Variants in PIP5K1B observed in about 807,000 individuals in gnomAD.
PIP5K1B encodes the protein phosphatidylinositol-4-phosphate 5-kinase type 1 beta, also known as phosphatidylinositol 4-phosphate 5-kinase type-1 beta.
PIP5K1B carries 42 observed loss-of-function variants against 67.0 expected under a neutral mutation model. The observed-to-expected ratio is 0.63, with a 90% CI of 0.49 to 0.81. The LOEUF (loss-of-function observed/expected upper bound fraction) is 0.81. PIP5K1B is among the 30% of genes least tolerant of loss of function. The pLI is 0.00. For synonymous variants in PIP5K1B, 214 were observed against 231.4 expected, an observed-to-expected ratio of 0.92 and a Z score of 0.68; for missense variants, 459 against 646.3, an observed-to-expected ratio of 0.71 and a Z score of 3.14.
At chr9:68,853,247 CAT>C (rs956829234) in intron 4 of PIP5K1B, among the ~76,000 whole-genome samples, 1 of 152,214 alleles carries the variant, frequency 6.6e-6, no homozygotes, top group Non-Finnish European at 1.5e-5. Context: ...GAAGCATAAT[CAT>C]ATTCCAAGTT....
intron 5 of PIP5K1B, among the ~76,000 whole-genome samples, chr9:68,872,064 A>G (rs1035863076): frequency 6.6e-6 from 1 of 152,204 alleles, no homozygotes; most frequent in Non-Finnish European, 1.5e-5. Context: ...CAAGCAAGGA[A>G]AGCCTGTGGA....
intron 6 of PIP5K1B, among the ~76,000 whole-genome samples, 184 bp downstream of exon 6, chr9:68,876,978 A>G (rs1050556993): frequency 6.6e-6 from 1 of 152,216 alleles, no homozygotes; most frequent in Admixed American, 6.5e-5. Context: ...TGTAGCTTTT[A>G]CTGATAACTG....
At chr9:68,931,999 CTT>C (rs1201236314) in intron 12 of PIP5K1B, among the ~76,000 whole-genome samples, 1 of 152,192 alleles carries the variant, frequency 6.6e-6, no homozygotes, top group African/African-American at 2.4e-5. Context: ...AAAGTGAACT[CTT>C]TGTTGTGGTG....
At chr9:68,870,666 AG>A (rs941243719) in intron 5 of PIP5K1B, among the ~76,000 whole-genome samples, 1 of 152,222 alleles carries the variant, frequency 6.6e-6, no homozygotes, top group African/African-American at 2.4e-5. Flanking sequence ...ACTGGATTGT[AG>A]TGGCATTCAC....
At chr9:68,973,923 G>A (rs1190189588) in intron 14 of PIP5K1B, among the ~76,000 whole-genome samples, 6 of 152,182 alleles carry the variant, frequency 3.9e-5, no homozygotes, top group Non-Finnish European at 7.3e-5. Context: ...TGTCACCCAA[G>A]CTGGAGCACA....
At chr9:68,787,789 T>A (rs933714240) in intron 2 of PIP5K1B, among the ~76,000 whole-genome samples, 1 of 152,048 alleles carries the variant, frequency 6.6e-6, no homozygotes, top group Non-Finnish European at 1.5e-5. Flanking sequence ...TGTGCCACCA[T>A]GCCTGACTAG....
At chr9:68,954,331 C>T (rs897610369) in intron 14 of PIP5K1B, among the ~76,000 whole-genome samples, 1 of 151,974 alleles carries the variant, frequency 6.6e-6, no homozygotes, top group African/African-American at 2.4e-5. Flanking sequence ...GAGGGTTGAG[C>T]GTGTCTGCAA....
intron 14 of PIP5K1B, among the ~76,000 whole-genome samples, chr9:68,942,516 T>C (rs1381841874): frequency 1.3e-5 from 2 of 152,114 alleles, no homozygotes; most frequent in African/African-American, 4.8e-5. Context: ...CCAGGGGTGT[T>C]AGACTCTTGG....
chr9:68,843,908 G>A (rs1822049994), intron 4 of PIP5K1B, among the ~76,000 whole-genome samples: 1 of 152,174 alleles, frequency 6.6e-6, no homozygotes, highest in African/African-American at 2.4e-5. Flanking sequence ...TGCCAACATG[G>A]GCCTGGGAAG....
chr9:68,997,469 T>C lies in PIP5K1B; in HGVS notation c.1620+6212T>C, dbSNP rs77285231. ...CAACCAAAGATGCTGCTCGGGTTTT[T>C]GGTAGATTTTAGTGAGAGCAGAGTA... On this transcript the variant is annotated intron_variant, in intron 15 of 15. Coordinates refer to ENST00000265382, the MANE Select transcript of PIP5K1B (RefSeq NM_003558.4). Among the ~76,000 whole-genome samples the C allele has an allele frequency of 4.3e-3, 656 of 152,296 alleles. 3 individuals carry two copies. The highest frequency in any genetic ancestry group is 0.015 in the African/African-American group (621 of 41,558).
chr9:68,935,958 T>C (rs1439999663), intron 13 of PIP5K1B: 1 of 152,254 alleles, frequency 6.6e-6, no homozygotes, highest in Admixed American at 6.5e-5. Flanking sequence ...AATTTTAGTA[T>C]ATGTGCTGCC....
chr9:68,859,832 A>G (rs1247107133), intron 4 of PIP5K1B, among the ~76,000 whole-genome samples: 1 of 152,242 alleles, frequency 6.6e-6, no homozygotes. Context: ...TCACAGTTTC[A>G]AAGTACATCT....
At chr9:68,818,835 G>A (rs1162782495) in intron 3 of PIP5K1B, among the ~76,000 whole-genome samples, 1 of 152,044 alleles carries the variant, frequency 6.6e-6, no homozygotes, top group Admixed American at 6.6e-5. Flanking sequence ...GTGTAGCAGT[G>A]TTCACTGTAG....
chr9:68,926,903 A>G (rs77910377), intron 12 of PIP5K1B, among the ~76,000 whole-genome samples: 2 of 152,022 alleles, frequency 1.3e-5, no homozygotes, highest in Non-Finnish European at 2.9e-5. Flanking sequence ...TCATTACCCC[A>G]AAAAGAAACC....
intron 14 of PIP5K1B, among the ~76,000 whole-genome samples, chr9:68,984,766 C>T (rs1414812696): frequency 6.6e-6 from 1 of 152,214 alleles, no homozygotes; most frequent in African/African-American, 2.4e-5. Context: ...ACAGCTAACA[C>T]CAAACATCAT....
chr9:68,942,554 G>A (rs1564255153), intron 14 of PIP5K1B, among the ~76,000 whole-genome samples: 1 of 152,040 alleles, frequency 6.6e-6, no homozygotes, highest in East Asian at 1.9e-4. Flanking sequence ...CCGGGGCCTG[G>A]CAGGGCCTCC....
intron 14 of PIP5K1B, chr9:68,963,109 G>A (rs1828833589): frequency 2.2e-6 from 1 of 455,474 alleles, no homozygotes; most frequent in African/African-American, 2.0e-5. Context: ...AAGCATCACA[G>A]CCATTCAGAA....
rs1184169535 is a variant in PIP5K1B, at chr9:68,710,670, A to G, written c.-243+4908A>G. Among the ~76,000 whole-genome samples the G allele has an allele frequency of 2.6e-5, 4 of 152,236 alleles. No homozygotes were observed. The East Asian group carries it at 7.7e-4, about 29-fold the overall frequency. ...GATTTGAAACAGAGTGATTGGGACA[A>G]GGTTGCATGTTCAGTAAGCTGACAG... On this transcript the variant is annotated intron_variant, in intron 1 of 15. Coordinates refer to ENST00000265382, the MANE Select transcript of PIP5K1B (RefSeq NM_003558.4).
At chr9:68,843,957 G>C (rs1050171859) in intron 4 of PIP5K1B, among the ~76,000 whole-genome samples, 1 of 152,220 alleles carries the variant, frequency 6.6e-6, no homozygotes, top group Non-Finnish European at 1.5e-5. Context: ...ACAGGCAGAG[G>C]TTGTTAGAGG....
Sources: allele counts gnomAD v4.1 joint callset (sites outside exome capture counted in the v4.1 genomes callset), GRCh38; gene constraint gnomAD v4.1.1; transcripts MANE v1.5; gene names NCBI Gene and HGNC (gene_info 2026-07-23, HGNC 2026-07-21).